The following ALG5 variants were observed in gnomAD, a reference collection of about 807,000 sequenced individuals.
ALG5 encodes ALG5 dolichyl-phosphate beta-glucosyltransferase, also known as dolichyl-phosphate beta-glucosyltransferase.
ALG5 carries 26 observed loss-of-function variants against 51.8 expected under a neutral mutation model. The ratio of observed to expected loss-of-function variants is 0.50; its 90% confidence interval spans 0.37 to 0.70. The LOEUF (loss-of-function observed/expected upper bound fraction) is 0.70, where lower values mean the gene tolerates loss of function less well. Ranked by LOEUF, ALG5 falls within the 30% of genes least tolerant of loss-of-function variation. The pLI, the probability that ALG5 is intolerant of heterozygous loss-of-function variation, is 0.00. For synonymous variants in ALG5, 141 were observed against 136.1 expected (o/e 1.04, Z -0.25); for missense variants, 311 against 399.3 (o/e 0.78, Z 1.88).
chr13:36,998,044 T>C (rs923071636), intron 1 of ALG5, among the ~76,000 whole-genome samples: 1 of 152,190 alleles, frequency 6.6e-6, no homozygotes, highest in African/African-American at 2.4e-5. Context: ...ACACAACATA[T>C]AGTAAGTACT....
intron 6 of ALG5, among the ~76,000 whole-genome samples, chr13:36,984,688 C>T (rs971041526): frequency 3.3e-5 from 5 of 152,110 alleles, no homozygotes; most frequent in African/African-American, 1.2e-4. Flanking sequence ...ATCTCTTCCC[C>T]CTCTAAACTA....
chr13:36,994,079 A>G (rs1401923670), intron 3 of ALG5, among the ~76,000 whole-genome samples: 1 of 152,178 alleles, frequency 6.6e-6, no homozygotes, highest in Non-Finnish European at 1.5e-5. Context: ...GGGCAACTTA[A>G]CTTTTTGGGC....
intron 5 of ALG5, among the ~76,000 whole-genome samples, chr13:36,987,393 C>CA (rs1665998701): frequency 6.6e-6 from 1 of 152,112 alleles, no homozygotes; most frequent in Admixed American, 6.6e-5. Flanking sequence ...AGGTGGGGCC[C>CA]AGTGGGAGGT....
chr13:36,964,148 C>T (rs952419041), intron 8 of ALG5, among the ~76,000 whole-genome samples: 5 of 152,046 alleles, frequency 3.3e-5, no homozygotes, highest in African/African-American at 9.7e-5. Flanking sequence ...ATTATATTAT[C>T]TTTAGAGAGT....
At chr13:36,976,923 T>C (rs538205146) in intron 6 of ALG5, among the ~76,000 whole-genome samples, 1 of 152,210 alleles carries the variant, frequency 6.6e-6, no homozygotes, top group African/African-American at 2.4e-5. Context: ...ACTTTAAACT[T>C]GAAAAGAGCA....
intron 1 of ALG5, chr13:36,998,916 C>G: frequency 3.6e-6 from 1 of 276,642 alleles, no homozygotes; most frequent in Non-Finnish European, 6.7e-6. Flanking sequence ...TCGAGGTTGA[C>G]AGAGGAGGTG....
chr13:36,966,920 C>A (rs1439582354), intron 7 of ALG5, among the ~76,000 whole-genome samples: 1 of 151,916 alleles, frequency 6.6e-6, no homozygotes, highest in African/African-American at 2.4e-5. Flanking sequence ...AACAGAGTAA[C>A]AAAGAAAAAG....
intron 6 of ALG5, among the ~76,000 whole-genome samples, chr13:36,982,923 G>A (rs548086207): frequency 1.9e-4 from 29 of 152,094 alleles, no homozygotes; most frequent in Non-Finnish European, 2.6e-4. Flanking sequence ...CCAAGGCTAC[G>A]AATTAATAGC....
rs57878611 is a variant in ALG5 at position 36,997,466 on chromosome 13, C to CAAAAA, written c.66+1764_66+1768dup. On this transcript the variant is annotated intron_variant, in intron 1 of 9. Coordinates refer to ENST00000239891, the MANE Select transcript of ALG5 (RefSeq NM_013338.5). Reference sequence around the variant, plus strand: ...GGGTGACAAGAGCCAGACTCCGTCTCAAAAAAAAAAAAAAAAAAAAAAGAC... The same window carrying CAAAAA: ...GGGTGACAAGAGCCAGACTCCGTCTCAAAAAAAAAAAAAAAAAAAAAAAAAAAGAC... Among the ~76,000 whole-genome samples the CAAAAA allele has an allele frequency of 1.4e-3, 109 of 78,070 alleles. 1 individual carries two copies. The highest frequency in any genetic ancestry group is 4.3e-3 in the African/African-American group (88 of 20,378). The allele number at this position is 78,070 out of a possible 152,430, so 51.2% of individuals were successfully genotyped here.
chr13:36,984,206 C>G (rs2058992161), intron 6 of ALG5, among the ~76,000 whole-genome samples: 1 of 151,796 alleles, frequency 6.6e-6, no homozygotes, highest in Non-Finnish European at 1.5e-5. Context: ...TCAAATGATC[C>G]TCCTGCCTCA....
chr13:36,997,318 C>G (rs894111331), intron 1 of ALG5, among the ~76,000 whole-genome samples: 4 of 151,756 alleles, frequency 2.6e-5, no homozygotes, highest in Admixed American at 6.6e-5. Flanking sequence ...ATTAAAAGTA[C>G]AAAAATTAAC....
In ALG5 at chr13:36,993,760, GC is replaced by G. The variant is rs138914138; in HGVS notation, c.286-89del. 1,858 of 1,028,512 alleles carry G rather than the reference GC, an allele frequency of 1.8e-3. 22 individuals are homozygous for G. The African/African-American group carries it at 0.026, about 14-fold the overall frequency. 63.7% of individuals were successfully genotyped at this position (1,028,512 alleles called of 1,614,324 possible). ...ATCACCAGTAATTTAAAAAACAACT[GC>G]TTTAGTGTTGATACATATAAATTTG... On this transcript the variant is annotated intron_variant, in intron 3 of 9. Coordinates refer to ENST00000239891, the MANE Select transcript of ALG5 (RefSeq NM_013338.5).
At chr13:36,971,715 C>T (rs1400524963) in intron 7 of ALG5, among the ~76,000 whole-genome samples, 1 of 144,760 alleles carries the variant, frequency 6.9e-6, no homozygotes, top group African/African-American at 2.5e-5. Context: ...TTCTCTTTAT[C>T]TTAAAAATAT....
intron 6 of ALG5, among the ~76,000 whole-genome samples, chr13:36,975,127 C>T (rs1218100499): frequency 3.9e-5 from 6 of 152,142 alleles, no homozygotes. Context: ...AGGAGAATTG[C>T]TTGAACTCAG....
intron 1 of ALG5, among the ~76,000 whole-genome samples, chr13:36,998,639 G>A (rs954839573): frequency 1.3e-5 from 2 of 152,224 alleles, no homozygotes; most frequent in Non-Finnish European, 2.9e-5. Flanking sequence ...TATTTAGGGT[G>A]CTTAATTCTG....
chr13:36,957,784 T>G (rs2138782471), intron 8 of ALG5, among the ~76,000 whole-genome samples: 1 of 152,174 alleles, frequency 6.6e-6, no homozygotes, highest in African/African-American at 2.4e-5. Context: ...CTTAGCCAAA[T>G]ATCAACAAGT....
At chr13:36,978,786 G>A (rs1219997590) in intron 6 of ALG5, among the ~76,000 whole-genome samples, 3 of 151,348 alleles carry the variant, frequency 2.0e-5, no homozygotes, top group Non-Finnish European at 4.4e-5. Flanking sequence ...CCTGGTGGTG[G>A]ATGCCTGTAA....
At chr13:36,973,399 T>C (rs1212415858) in intron 6 of ALG5, among the ~76,000 whole-genome samples, 3 of 152,148 alleles carry the variant, frequency 2.0e-5, no homozygotes, top group Non-Finnish European at 4.4e-5. Context: ...AAAGACGAAC[T>C]GACAAATGGT....
chr13:36,963,494 T>A (rs1364179708), intron 8 of ALG5, among the ~76,000 whole-genome samples: 1 of 26,170 alleles, frequency 3.8e-5, no homozygotes, highest in African/African-American at 3.5e-4. Flanking sequence ...ACCCTAGTTC[T>A]GGAGCAATAG....
Sources: allele counts gnomAD v4.1 joint callset (sites outside exome capture counted in the v4.1 genomes callset), GRCh38; gene constraint gnomAD v4.1.1; transcripts MANE v1.5; gene names NCBI Gene and HGNC (gene_info 2026-07-23, HGNC 2026-07-21).